CPNE8: variants seen among roughly 807,000 people sequenced by gnomAD.
CPNE8 encodes copine 8.
Under a neutral mutation model 81.5 loss-of-function variants are expected in CPNE8, and 45 were observed. The ratio of observed to expected loss-of-function variants is 0.55; its 90% confidence interval spans 0.44 to 0.71. The LOEUF (loss-of-function observed/expected upper bound fraction) is 0.71. Ranked by LOEUF, CPNE8 falls within the 30% of genes least tolerant of loss-of-function variation. The probability of loss-of-function intolerance (pLI) is 0.00; values close to 1 mark genes in which losing one functional copy is unlikely to be tolerated. For missense variants in CPNE8, 594 were observed against 672.1 expected (o/e 0.88, Z 1.28); for synonymous variants, 252 against 226.3 (o/e 1.11, Z -1.02).
chr12:38,798,915 C>T (rs1942580205), intron 6 of CPNE8, among the ~76,000 whole-genome samples: 1 of 152,134 alleles, frequency 6.6e-6, no homozygotes, highest in African/African-American at 2.4e-5. Flanking sequence ...TCTGATAAAA[C>T]AGACTTTAAA....
At chr12:38,712,742 T>C (rs553210507) in intron 13 of CPNE8, among the ~76,000 whole-genome samples, 1 of 152,280 alleles carries the variant, frequency 6.6e-6, no homozygotes, top group South Asian at 2.1e-4. Context: ...GTTTTAGATT[T>C]AGAGTTGAGT....
intron 19 of CPNE8, among the ~76,000 whole-genome samples, chr12:38,655,482 T>A (rs1004721656): frequency 6.6e-6 from 1 of 152,162 alleles, no homozygotes; most frequent in Non-Finnish European, 1.5e-5. Context: ...TTTTAATATG[T>A]TGAACAATTT....
chr12:38,868,510 A>C (rs575001380), intron 3 of CPNE8, among the ~76,000 whole-genome samples: 1 of 152,282 alleles, frequency 6.6e-6, no homozygotes, highest in Non-Finnish European at 1.5e-5. Flanking sequence ...TAGCATCATA[A>C]GAATTCACAA....
At chr12:38,763,952 AGAGAT>A (rs1941623323) in intron 8 of CPNE8, among the ~76,000 whole-genome samples, 1 of 151,996 alleles carries the variant, frequency 6.6e-6, no homozygotes, top group Non-Finnish European at 1.5e-5. Context: ...GTTTCTATTA[AGAGAT>A]AAGATAGAAA....
intron 6 of CPNE8, among the ~76,000 whole-genome samples, chr12:38,819,137 A>T (rs1173940255): frequency 6.6e-6 from 1 of 152,150 alleles, no homozygotes; most frequent in African/African-American, 2.4e-5. Context: ...CTTTAATTTA[A>T]TTAGATCCCA....
In CPNE8 at chr12:38,677,547, A is replaced by C. The variant is rs746930159; in HGVS notation, c.1279T>G (p.Ser427Ala). ...PVINHVARYA[S>A]SVKDGSQYFV... ...TACTGGGAGCCATCCTTTACAGAAG[A>C]AGCATATCTGAAAGGCAACGAAAAG... The change falls in exon 17 of 20, where the codon TCT becomes GCT. Residue 427 changes from serine (S) to alanine (A), a missense_variant. Transcript: ENST00000331366. 45 of 1,604,612 alleles carry C rather than the reference A, an allele frequency of 2.8e-5. No individual in the cohort carries two copies. The Admixed American group carries it at 7.4e-4, about 26-fold the overall frequency.
intron 19 of CPNE8, among the ~76,000 whole-genome samples, chr12:38,670,398 C>T (rs374293030): frequency 2.4e-4 from 37 of 152,044 alleles, no homozygotes; most frequent in African/African-American, 4.6e-4. Flanking sequence ...CAGAGTAATA[C>T]GCTTTACTTA....
chr12:38,803,654 C>G (rs1942744645), intron 6 of CPNE8, among the ~76,000 whole-genome samples: 1 of 148,206 alleles, frequency 6.7e-6, no homozygotes, highest in Non-Finnish European at 1.5e-5. Context: ...GAAGTTCTGG[C>G]CAGGGCAATC....
intron 4 of CPNE8, among the ~76,000 whole-genome samples, chr12:38,846,059 C>G (rs1208255813): frequency 6.6e-6 from 1 of 152,138 alleles, no homozygotes; most frequent in Non-Finnish European, 1.5e-5. Context: ...TATCCATTTA[C>G]TTAACATTAA....
chr12:38,794,736 G>A (rs929064813), intron 6 of CPNE8, among the ~76,000 whole-genome samples: 1 of 151,978 alleles, frequency 6.6e-6, no homozygotes, highest in Non-Finnish European at 1.5e-5. Context: ...ATAAAACAGT[G>A]CAATTGCTAT....
chr12:38,680,930 T>A (rs1939396301), intron 16 of CPNE8, among the ~76,000 whole-genome samples: 2 of 151,422 alleles, frequency 1.3e-5, no homozygotes, highest in South Asian at 4.2e-4. Context: ...CAGAAAAAAA[T>A]TACAAATAGC....
intron 6 of CPNE8, 73 bp from the exon 7 acceptor site, chr12:38,776,374 A>G: frequency 2.1e-6 from 1 of 473,218 alleles, no homozygotes. Flanking sequence ...TTTATATATC[A>G]TGTTTATTTT....
intron 6 of CPNE8, among the ~76,000 whole-genome samples, chr12:38,779,727 T>A (rs1161104117): frequency 6.6e-6 from 1 of 152,110 alleles, no homozygotes; most frequent in Non-Finnish European, 1.5e-5. Context: ...TGAAGCTCGT[T>A]TTATAATATT....
intron 8 of CPNE8, among the ~76,000 whole-genome samples, chr12:38,764,397 C>T (rs1941635097): frequency 6.6e-6 from 1 of 151,432 alleles, no homozygotes; most frequent in African/African-American, 2.4e-5. Flanking sequence ...GCGGGCGGAT[C>T]ACGAGGTCAG....
At chr12:38,899,528 AAAC>A (rs1045928866) in intron 1 of CPNE8, among the ~76,000 whole-genome samples, 12 of 152,230 alleles carry the variant, frequency 7.9e-5, no homozygotes, top group Non-Finnish European at 8.8e-5. Context: ...TGAACCAGAC[AAAC>A]AACAATAATT....
chr12:38,785,609 T>G (rs964748385), intron 6 of CPNE8, among the ~76,000 whole-genome samples: 2 of 152,150 alleles, frequency 1.3e-5, no homozygotes, highest in African/African-American at 4.8e-5. Flanking sequence ...CACCTTCCAC[T>G]AAGATTGTGA....
intron 13 of CPNE8, among the ~76,000 whole-genome samples, chr12:38,717,974 A>T (rs946613942): frequency 1.3e-5 from 2 of 152,030 alleles, no homozygotes; most frequent in African/African-American, 4.8e-5. Flanking sequence ...AACCAAATTA[A>T]ATTCAGCAAT....
intron 6 of CPNE8, among the ~76,000 whole-genome samples, chr12:38,785,488 C>T (rs1301801738): frequency 1.3e-5 from 2 of 152,088 alleles, no homozygotes; most frequent in Non-Finnish European, 2.9e-5. Context: ...GCAGGTATTT[C>T]CCAGGCTGTT....
Position 38,806,449 on chromosome 12 carries a change from T to C in CPNE8, c.407+22930A>G, listed in dbSNP as rs987844551. On this transcript the variant is annotated intron_variant, in intron 6 of 19. Transcript: ENST00000331366. ...CCTGGGATGCAAGGCTGGTTCAATA[T>C]ATGCAAATCAATAAATGTAATCCAG... 1.0e-4 allele frequency among the ~76,000 whole-genome samples: 15 copies of C among 149,680 alleles called. 1 individual carries two copies. The highest frequency in any genetic ancestry group is 2.1e-4 in the Non-Finnish European group (14 of 67,228).
Sources: allele counts gnomAD v4.1 joint callset (sites outside exome capture counted in the v4.1 genomes callset), GRCh38; gene constraint gnomAD v4.1.1; transcripts MANE v1.5; gene names NCBI Gene and HGNC (gene_info 2026-07-23, HGNC 2026-07-21).